The following TAF15 variants were observed in gnomAD, a reference collection of about 807,000 sequenced individuals.
TAF15 encodes TATA-box binding protein associated factor 15.
Under a neutral mutation model 102.5 loss-of-function variants are expected in TAF15, and 37 were observed. The ratio of observed to expected loss-of-function variants is 0.36; its 90% CI spans 0.28 to 0.47. The LOEUF (loss-of-function observed/expected upper bound fraction) is 0.47, where lower values mean the gene tolerates loss of function less well. TAF15 is among the 20% of genes least tolerant of loss of function. The probability of loss-of-function intolerance (pLI) is 0.99; values close to 1 mark genes in which losing one functional copy is unlikely to be tolerated. For synonymous variants in TAF15, 273 were observed against 259.2 expected, an observed-to-expected ratio of 1.05 and a Z score of -0.51; for missense variants, 652 against 760.7, an observed-to-expected ratio of 0.86 and a Z score of 1.68.
chr17:35,821,295 A>G (rs2087255164), intron 5 of TAF15, among the ~76,000 whole-genome samples: 1 of 152,192 alleles, frequency 6.6e-6, no homozygotes. Flanking sequence ...TGTAGGGAAT[A>G]ATATCCAGAA....
In TAF15 at chr17:35,822,502, CTAAT is replaced by C. The variant is rs1441113935; in HGVS notation, c.291-135_291-132del. The C allele has an allele frequency of 3.6e-4, 270 of 750,406 alleles. 1 individual carries two copies. The East Asian group carries it at 7.2e-3, about 20-fold the overall frequency. The allele number at this position is 750,406 out of a possible 1,614,324, so 46.5% of individuals were successfully genotyped here. ...GGGAATTCCAGGAGACTGCAGATAA[CTAAT>C]TACCATGAGAAGGTAGTCATAAATA... On this transcript the variant is annotated intron_variant, in intron 5 of 15. Transcript: ENST00000605844.
intron 1 of TAF15, among the ~76,000 whole-genome samples, chr17:35,815,285 A>G (rs2087182018): frequency 1.3e-5 from 2 of 152,250 alleles, no homozygotes. Context: ...GACACAAAGC[A>G]CAATTGTCAA....
intron 1 of TAF15, chr17:35,816,686 T>A (rs1274422650): frequency 6.6e-6 from 1 of 152,204 alleles, no homozygotes; most frequent in African/African-American, 2.4e-5. Flanking sequence ...TGACTCTGAG[T>A]AAAGCCTGAA....
In TAF15 at chr17:35,836,259, A is replaced by G; in HGVS notation, c.783+18A>G. ...TTATCAAGGTGAGTAAAAATATTAT[A>G]TGTTGAAAATCTCATAATTAATGTT... is the stretch of plus-strand genomic sequence containing the variant. On this transcript the variant is annotated intron_variant, in intron 10 of 15. Transcript: ENST00000605844. The G allele has an allele frequency of 6.7e-7, 1 of 1,486,714 alleles. No individual in the cohort carries two copies. Among genetic ancestry groups the G allele is most frequent in the Non-Finnish European group, 9.4e-7 (1 of 1,065,390 alleles). The allele number at this position is 1,486,714 out of a possible 1,614,324, so 92.1% of individuals were successfully genotyped here. A position where few individuals can be genotyped will look rare whatever the true frequency, so the allele number is the denominator to read the frequency against.
chr17:35,838,173 C>T (rs990102319), intron 10 of TAF15, among the ~76,000 whole-genome samples: 1 of 151,962 alleles, frequency 6.6e-6, no homozygotes, highest in Non-Finnish European at 1.5e-5. Context: ...CAGAGTGAAA[C>T]CCTGTCTCAA....
chr17:35,819,717 C>T (rs2087237510), intron 2 of TAF15, among the ~76,000 whole-genome samples: 1 of 152,132 alleles, frequency 6.6e-6, no homozygotes, highest in Non-Finnish European at 1.5e-5. Flanking sequence ...TTTATTCCCC[C>T]CACACCCAAG....
intron 5 of TAF15, among the ~76,000 whole-genome samples, chr17:35,821,802 C>T (rs924334113): frequency 1.3e-5 from 2 of 152,088 alleles, no homozygotes; most frequent in African/African-American, 4.8e-5. Flanking sequence ...TGTTACAAAG[C>T]AGGTTCTTTT....
chr17:35,815,938 T>A (rs1013612348), intron 1 of TAF15, among the ~76,000 whole-genome samples: 2 of 152,168 alleles, frequency 1.3e-5, no homozygotes, highest in African/African-American at 4.8e-5. Context: ...ATAGAAGTAG[T>A]AGTTTGTGTC....
At chr17:35,817,478 C>T (rs2087208749) in intron 1 of TAF15, among the ~76,000 whole-genome samples, 1 of 152,122 alleles carries the variant, frequency 6.6e-6, no homozygotes, top group African/African-American at 2.4e-5. Flanking sequence ...TACATTTGTT[C>T]ACTGGGTTCT....
intron 10 of TAF15, among the ~76,000 whole-genome samples, chr17:35,836,937 C>G (rs2087482247): frequency 6.6e-6 from 1 of 151,944 alleles, no homozygotes; most frequent in Non-Finnish European, 1.5e-5. Flanking sequence ...CCACGCCCAG[C>G]TAATTTTTGT....
At position 35,836,148 on chromosome 17, in the gene TAF15, T is replaced by C. The variant is rs1309707733; in HGVS notation, c.690T>C (p.Asn230=). The C allele has an allele frequency of 1.9e-6, 3 of 1,611,690 alleles. No individual in the cohort carries two copies. Among genetic ancestry groups the C allele is most frequent in the Non-Finnish European group, 2.5e-6 (3 of 1,177,892 alleles). The change falls in exon 10 of 16, where the codon AAT becomes AAC. Residue 230 remains asparagine, a synonymous_variant. Coordinates refer to ENST00000605844, the MANE Select transcript of TAF15 (RefSeq NM_139215.3). ...PRTDADSESD[N]SDNNTIFVQG... ...TTCTCTTAGATTCAGAATCTGATAATTCAGATAACAACACAATCTTTGTGC... is the reference window on the plus strand; with the variant it reads ...TTCTCTTAGATTCAGAATCTGATAACTCAGATAACAACACAATCTTTGTGC...
chr17:35,817,634 AT>A, intron 1 of TAF15, 81 bp from the exon 2 acceptor site: 1 of 1,250,868 alleles, frequency 8.0e-7, no homozygotes. Flanking sequence ...TTCTTACCAC[AT>A]TTCTTCTGTA....
At chr17:35,825,867 T>C (rs2087318833) in intron 7 of TAF15, among the ~76,000 whole-genome samples, 1 of 151,888 alleles carries the variant, frequency 6.6e-6, no homozygotes. Context: ...GGCAGGAGAA[T>C]GTTGTGAACC....
At chr17:35,831,197 T>C (rs1462729534) in intron 7 of TAF15, among the ~76,000 whole-genome samples, 2 of 152,084 alleles carry the variant, frequency 1.3e-5, no homozygotes, top group African/African-American at 4.8e-5. Context: ...AGTCAGGAGA[T>C]TGAGACCATC....
In TAF15 at chr17:35,824,197, A is replaced by G; in HGVS notation, c.604A>G (p.Ser202Gly). The G allele has an allele frequency of 6.2e-7, 1 of 1,613,040 alleles. No homozygotes were observed. The highest frequency in any genetic ancestry group is 2.2e-5 in the East Asian group (1 of 44,876). The change falls in exon 7 of 16, where the codon AGT becomes GGT. Residue 202 changes from serine to glycine, a missense_variant and splice_region_variant. Around this residue, in one of 3 missense-constraint regions of TAF15, gnomAD observed 243 missense variants for 284.1 expected, o/e 0.86. Transcript: ENST00000605844. The stretch of plus-strand genomic sequence containing the variant: ...TGGAAGAGGTCCTATGACAGGATCA[A>G]GGTAAGTATGTAGATAAAGATGCGT... ...KDGRGPMTGSSGGDRGGFKNF... is the reference protein window; with the variant it reads ...KDGRGPMTGSGGGDRGGFKNF...
At chr17:35,833,620 T>C (rs1324650742) in intron 7 of TAF15, 1 of 315,538 alleles carries the variant, frequency 3.2e-6, no homozygotes, top group Non-Finnish European at 5.9e-6. Context: ...CAGCTTTATG[T>C]TATGGTTTAA....
intron 1 of TAF15, among the ~76,000 whole-genome samples, chr17:35,812,980 T>G (rs1004824106): frequency 6.6e-6 from 1 of 151,692 alleles, no homozygotes; most frequent in Non-Finnish European, 1.5e-5. Flanking sequence ...GTATAAAAAT[T>G]GCCAGGTGAG....
At chr17:35,813,631 G>GGC (rs2087154313) in intron 1 of TAF15, among the ~76,000 whole-genome samples, 3 of 47,282 alleles carry the variant, frequency 6.3e-5, no homozygotes, top group African/African-American at 2.3e-4. Flanking sequence ...GCGAGACCCT[G>GGC]TCCCCCCCCC....
chr17:35,816,126 C>T (rs2087192333), intron 1 of TAF15, among the ~76,000 whole-genome samples: 1 of 152,066 alleles, frequency 6.6e-6, no homozygotes, highest in Admixed American at 6.6e-5. Flanking sequence ...TACACCTGGC[C>T]TTCATTTACT....
Sources: allele counts gnomAD v4.1 joint callset (sites outside exome capture counted in the v4.1 genomes callset), GRCh38; gene constraint gnomAD v4.1.1; regional missense constraint gnomAD v4.1.1; transcripts MANE v1.5; gene names NCBI Gene and HGNC (gene_info 2026-07-23, HGNC 2026-07-21).